ACTR2: variants seen among roughly 807,000 people sequenced by gnomAD.
ACTR2 encodes the protein actin related protein 2.
In ACTR2, 5 loss-of-function variants were observed where a neutral mutation model predicts 50.2. The observed-to-expected ratio is 0.10, with a 90% CI of 0.05 to 0.21. The LOEUF is 0.21. ACTR2 is among the 10% of genes least tolerant of loss of function. The pLI, the probability that ACTR2 is intolerant of heterozygous loss-of-function variation, is 1.00. For synonymous variants in ACTR2, 140 were observed against 162.9 expected, an observed-to-expected ratio of 0.86 and a Z score of 1.07; for missense variants, 180 against 480.6, an observed-to-expected ratio of 0.37 and a Z score of 5.85.
chr2:65,244,313 A>G (rs1671894670), intron 2 of ACTR2, among the ~76,000 whole-genome samples: 1 of 152,098 alleles, frequency 6.6e-6, no homozygotes, highest in Non-Finnish European at 1.5e-5. Flanking sequence ...TGTACAACAC[A>G]CAAAAAAGAC....
chr2:65,254,992 A>T (rs546229822), intron 5 of ACTR2, among the ~76,000 whole-genome samples: 4 of 152,152 alleles, frequency 2.6e-5, no homozygotes, highest in South Asian at 2.1e-4. Context: ...GTGGGTTTTT[A>T]AAAAAATAGT....
At chr2:65,234,747 C>T (rs958236454) in intron 1 of ACTR2, among the ~76,000 whole-genome samples, 5 of 152,162 alleles carry the variant, frequency 3.3e-5, no homozygotes, top group Middle Eastern at 3.2e-3. Context: ...GCTTCTCTTA[C>T]GATTTCTCAC....
At chr2:65,242,090 T>G (rs1194317806) in intron 2 of ACTR2, 1 of 1,549,628 alleles carries the variant, frequency 6.5e-7, no homozygotes. Flanking sequence ...ACATGCTCTG[T>G]TTGTTTTCCA....
At chr2:65,237,984 ACT>A (rs1671771257) in intron 1 of ACTR2, among the ~76,000 whole-genome samples, 1 of 150,610 alleles carries the variant, frequency 6.6e-6, no homozygotes, top group Admixed American at 6.6e-5. Flanking sequence ...ACAGAGTGAG[ACT>A]CTGTCTCAAA....
chr2:65,266,869 C>T (rs149896598), intron 8 of ACTR2, among the ~76,000 whole-genome samples: 1 of 152,318 alleles, frequency 6.6e-6, no homozygotes, highest in African/African-American at 2.4e-5. Flanking sequence ...TCTTGTTCAG[C>T]TGCTTGACAG....
intron 5 of ACTR2, among the ~76,000 whole-genome samples, chr2:65,254,542 A>G (rs1369274233): frequency 6.6e-6 from 1 of 152,172 alleles, no homozygotes; most frequent in African/African-American, 2.4e-5. Context: ...TTATACCACA[A>G]TTCTATAATC....
At chr2:65,241,906 A>G (rs1671846391) in intron 2 of ACTR2, 6 of 934,884 alleles carry the variant, frequency 6.4e-6, no homozygotes, top group South Asian at 2.2e-5. Context: ...ACTCCATTAA[A>G]TATAGTAGTA....
At chr2:65,250,873 A>G (rs972320022) in intron 3 of ACTR2, among the ~76,000 whole-genome samples, 154 bp from the exon 4 acceptor site, 1 of 152,148 alleles carries the variant, frequency 6.6e-6, no homozygotes, top group African/African-American at 2.4e-5. Context: ...GGACTTCAAT[A>G]AGAAATAAGA....
At chr2:65,251,666 A>G (rs1388376439) in intron 4 of ACTR2, among the ~76,000 whole-genome samples, 1 of 152,098 alleles carries the variant, frequency 6.6e-6, no homozygotes, top group Non-Finnish European at 1.5e-5. Flanking sequence ...TGGCATAGCT[A>G]TTTTAATTTT....
intron 6 of ACTR2, among the ~76,000 whole-genome samples, chr2:65,258,874 C>G (rs1672205110): frequency 6.6e-6 from 1 of 152,136 alleles, no homozygotes; most frequent in Admixed American, 6.5e-5. Context: ...ATAAGATCTG[C>G]TGTGTGAAGT....
chr2:65,253,591 T>G (rs989760159), intron 4 of ACTR2, 137 bp from the exon 5 acceptor site: 1 of 861,676 alleles, frequency 1.2e-6, no homozygotes, highest in African/African-American at 1.7e-5. Flanking sequence ...AGAAACAAAC[T>G]GCAAAATAAC....
intron 8 of ACTR2, among the ~76,000 whole-genome samples, chr2:65,267,547 C>A (rs1235153049): frequency 6.6e-6 from 1 of 152,128 alleles, no homozygotes; most frequent in Non-Finnish European, 1.5e-5. Flanking sequence ...CTTGCTATGT[C>A]ATTTTAAGGT....
At chr2:65,238,675 GTAAA>G (rs1279570075) in intron 1 of ACTR2, among the ~76,000 whole-genome samples, 1 of 109,520 alleles carries the variant, frequency 9.1e-6, no homozygotes, top group Non-Finnish European at 1.9e-5. Context: ...AAAAAAAAAA[GTAAA>G]TAGCTAGCCA....
At chr2:65,264,373 C>A (rs748421833) in intron 7 of ACTR2, among the ~76,000 whole-genome samples, 4 of 152,146 alleles carry the variant, frequency 2.6e-5, no homozygotes, top group Non-Finnish European at 5.9e-5. Flanking sequence ...TTGAAAAAGG[C>A]CAAAATGGGT....
Position 65,230,177 on chromosome 2 carries a change from G to T in ACTR2, c.48+2220G>T, listed in dbSNP as rs72892640. Among the ~76,000 whole-genome samples, 1,065 of 152,224 alleles carry T rather than the reference G, an allele frequency of 7.0e-3. 25 individuals carry two copies. Among genetic ancestry groups the T allele is most frequent in the African/African-American group, 0.024 (980 of 41,542 alleles). ...AAATGTGCTTTTTAAAAAAGTATTA[G>T]CCTGATTTCCACTATAGTTTCAAAT... is the stretch of plus-strand genomic sequence containing the variant. On this transcript the variant is annotated intron_variant, in intron 1 of 8. Coordinates refer to ENST00000260641, the MANE Select transcript of ACTR2 (RefSeq NM_005722.4).
chr2:65,239,078 C>T (rs1005630037), intron 1 of ACTR2, among the ~76,000 whole-genome samples: 2 of 152,204 alleles, frequency 1.3e-5, no homozygotes, highest in African/African-American at 2.4e-5. Context: ...ATTCTCTAAG[C>T]GATTTGCCCA....
At chr2:65,261,528 A>G in intron 7 of ACTR2, 136 bp downstream of exon 7, 1 of 924,632 alleles carries the variant, frequency 1.1e-6, no homozygotes, top group Non-Finnish European at 1.6e-6. Flanking sequence ...TTTCAGACTT[A>G]CGGAAAGGTT....
chr2:65,253,547 TAAAAG>T (rs58684918), intron 4 of ACTR2, among the ~76,000 whole-genome samples, 176 bp from the exon 5 acceptor site: 48,776 of 151,742 alleles, frequency 0.32, 8,393 homozygotes, highest in East Asian at 0.67. Context: ...CTAAAAGTCT[TAAAAG>T]AGAACACTCG....
chr2:65,257,966 T>G (rs1672183342), intron 6 of ACTR2, among the ~76,000 whole-genome samples: 1 of 152,214 alleles, frequency 6.6e-6, no homozygotes, highest in Non-Finnish European at 1.5e-5. Context: ...CATTTGTCAA[T>G]TTTGGCTTTT....
Sources: gnomAD v4.1 joint callset for allele counts (sites outside exome capture counted in the v4.1 genomes callset) on GRCh38, gnomAD v4.1.1 for gene constraint, MANE v1.5 for transcripts, NCBI Gene and HGNC (gene_info 2026-07-23, HGNC 2026-07-21) for gene names.